Variants in RBM20 observed in about 807,000 individuals in gnomAD.
RBM20 encodes RNA-binding protein 20.
Under a neutral mutation model 110.1 loss-of-function variants are expected in RBM20, and 51 were observed. The ratio of observed to expected loss-of-function variants is 0.46; its 90% confidence interval spans 0.37 to 0.59. The LOEUF (loss-of-function observed/expected upper bound fraction) is 0.59. Among genes scored for constraint, RBM20 ranks in the 20% least tolerant of loss-of-function variants. The pLI is 0.00. For synonymous variants in RBM20, 589 were observed against 618.2 expected (o/e 0.95, Z 0.70); for missense variants, 1,512 against 1,574.9 (o/e 0.96, Z 0.68).
chr10:110,649,884 A>C (rs1186559642), intron 1 of RBM20, among the ~76,000 whole-genome samples: 1 of 152,194 alleles, frequency 6.6e-6, no homozygotes, highest in African/African-American at 2.4e-5. Context: ...CTGGATGCCT[A>C]ATACTGCATG....
At chr10:110,834,656 T>C (rs1000248465) in intron 13 of RBM20, among the ~76,000 whole-genome samples, 1 of 152,234 alleles carries the variant, frequency 6.6e-6, no homozygotes, top group African/African-American at 2.4e-5. Flanking sequence ...TTCCCCTCCC[T>C]TCACAGATGT....
intron 1 of RBM20, among the ~76,000 whole-genome samples, chr10:110,731,578 C>T (rs183840284): frequency 1.6e-4 from 24 of 152,304 alleles, no homozygotes; most frequent in East Asian, 5.8e-4. Flanking sequence ...TCATTTTCTA[C>T]GTGTGCTGCC....
At chr10:110,766,971 C>T (rs1844097683) in intron 1 of RBM20, among the ~76,000 whole-genome samples, 1 of 149,102 alleles carries the variant, frequency 6.7e-6, no homozygotes, top group African/African-American at 2.5e-5. Context: ...CCCCACCTCC[C>T]TCCCGGACGG....
intron 1 of RBM20, among the ~76,000 whole-genome samples, chr10:110,698,200 G>A (rs1444817632): frequency 1.3e-5 from 2 of 152,106 alleles, no homozygotes; most frequent in African/African-American, 2.4e-5. Context: ...GAGCCACCGC[G>A]CCCGGCCCTT....
intron 5 of RBM20, among the ~76,000 whole-genome samples, chr10:110,787,329 T>G (rs1219909690): frequency 1.3e-5 from 2 of 152,238 alleles, no homozygotes; most frequent in African/African-American, 4.8e-5. Context: ...CCTGCCCTTG[T>G]GAGGATCAGA....
chr10:110,833,451 T>A (rs1845083569), intron 13 of RBM20, among the ~76,000 whole-genome samples: 2 of 151,404 alleles, frequency 1.3e-5, no homozygotes, highest in Non-Finnish European at 2.9e-5. Context: ...TTTTCTCATT[T>A]TCTGTAGGGC....
intron 9 of RBM20, among the ~76,000 whole-genome samples, chr10:110,816,506 C>G (rs947909467): frequency 2.6e-5 from 4 of 151,984 alleles, no homozygotes; most frequent in African/African-American, 9.7e-5. Context: ...TCCTCTCCCT[C>G]GCACCGCTGC....
chr10:110,749,127 A>G (rs1396281924), intron 1 of RBM20, among the ~76,000 whole-genome samples: 1 of 152,268 alleles, frequency 6.6e-6, no homozygotes, highest in Non-Finnish European at 1.5e-5. Context: ...GCTAAATGTC[A>G]CCGCTGTGAT....
chr10:110,723,975 TGACA>T (rs1302427251), intron 1 of RBM20, among the ~76,000 whole-genome samples: 2 of 152,216 alleles, frequency 1.3e-5, no homozygotes, highest in Admixed American at 6.5e-5. Flanking sequence ...TGTTAGTAGA[TGACA>T]GACACTGTAT....
intron 1 of RBM20, among the ~76,000 whole-genome samples, chr10:110,652,464 T>C (rs1861964897): frequency 6.6e-6 from 1 of 152,202 alleles, no homozygotes; most frequent in Admixed American, 6.5e-5. Context: ...TTTTTTTCTT[T>C]ATCTATTTCT....
intron 1 of RBM20, among the ~76,000 whole-genome samples, chr10:110,720,937 C>T (rs569132496): frequency 4.6e-5 from 7 of 152,346 alleles, no homozygotes; most frequent in African/African-American, 1.7e-4. Context: ...ACTTCATTTC[C>T]CGTGCTCTCC....
At chr10:110,766,318 TTTTTTTG>T (rs541728794) in intron 1 of RBM20, among the ~76,000 whole-genome samples, 23 of 149,286 alleles carry the variant, frequency 1.5e-4, no homozygotes, top group South Asian at 6.4e-4. Flanking sequence ...ACTTTGTTTT[TTTTTTTG>T]TTTTTTGTTT....
intron 1 of RBM20, among the ~76,000 whole-genome samples, chr10:110,715,770 T>C (rs1430878269): frequency 6.6e-6 from 1 of 152,188 alleles, no homozygotes; most frequent in Non-Finnish European, 1.5e-5. Context: ...GAGAGAGTAC[T>C]GAAGGGTCTC....
chr10:110,684,175 G>A (rs770417597), intron 1 of RBM20, among the ~76,000 whole-genome samples: 20 of 152,022 alleles, frequency 1.3e-4, no homozygotes, highest in Non-Finnish European at 2.5e-4. Flanking sequence ...CAGGTGGATC[G>A]CCTGAGGTCA....
chr10:110,835,339 CTTT>C (rs35808301), intron 13 of RBM20: 6 of 104,200 alleles, frequency 5.8e-5, no homozygotes, highest in Non-Finnish European at 1.0e-4. Context: ...TTTTTTTTTT[CTTT>C]TTTTTTTTTT....
intron 5 of RBM20, 109 bp from the exon 6 acceptor site, chr10:110,797,399 T>G (rs1478225632): frequency 3.6e-6 from 4 of 1,104,878 alleles, no homozygotes; most frequent in Non-Finnish European, 3.7e-6. Flanking sequence ...TTGTAAATTA[T>G]AGTTTTACAA....
intron 1 of RBM20, among the ~76,000 whole-genome samples, chr10:110,711,586 A>T (rs556157354): frequency 3.3e-5 from 5 of 152,336 alleles, no homozygotes; most frequent in African/African-American, 1.2e-4. Flanking sequence ...GGAAGTCCCC[A>T]CTAATGGGGA....
At chr10:110,790,501 CAG>C (rs560890729) in intron 5 of RBM20, among the ~76,000 whole-genome samples, 15 of 152,274 alleles carry the variant, frequency 9.9e-5, no homozygotes, top group Middle Eastern at 3.4e-3. Flanking sequence ...TTAGCAGTAA[CAG>C]AAATATAAAA....
intron 1 of RBM20, among the ~76,000 whole-genome samples, chr10:110,758,417 G>A (rs1347681978): frequency 1.3e-5 from 2 of 152,154 alleles, no homozygotes; most frequent in African/African-American, 2.4e-5. Flanking sequence ...TAGGATAAGG[G>A]AGGAGGTCAG....
Sources: gnomAD v4.1 joint callset for allele counts (sites outside exome capture counted in the v4.1 genomes callset) on GRCh38, gnomAD v4.1.1 for gene constraint, MANE v1.5 for transcripts, NCBI Gene and HGNC (gene_info 2026-07-23, HGNC 2026-07-21) for gene names.